CDC16: variants seen among roughly 807,000 people sequenced by gnomAD.
CDC16 encodes the protein cell division cycle 16.
Under a neutral mutation model 87.0 loss-of-function variants are expected in CDC16, and 34 were observed. The observed-to-expected ratio is 0.39, with a 90% CI of 0.30 to 0.52. The LOEUF (loss-of-function observed/expected upper bound fraction) is 0.52. Among genes scored for constraint, CDC16 ranks in the 20% least tolerant of loss-of-function variants. The pLI is 0.74. For synonymous variants in CDC16, 263 were observed against 260.6 expected, an observed-to-expected ratio of 1.01 and a Z score of -0.09; for missense variants, 653 against 751.9, an observed-to-expected ratio of 0.87 and a Z score of 1.54.
chr13:114,265,236 T>C lies in CDC16; in HGVS notation c.1599T>C (p.Tyr533=), dbSNP rs780371528. The C allele has an allele frequency of 4.4e-6, 7 of 1,587,534 alleles. No homozygotes were observed. Among genetic ancestry groups the C allele is most frequent in the Non-Finnish European group, 6.1e-6 (7 of 1,155,992 alleles). Residue 533 remains tyrosine (Y), a synonymous_variant, in exon 17 of 18, where the codon TAT becomes TAC. Transcript: ENST00000356221. The part of the protein sequence containing the change: ...IEMYIGDSEA[Y]IGADIKDKLK... ...TGTACATTGGTGATTCTGAAGCTTA[T>C]ATTGGTAAGATAATCGTTATTCTTA...
intron 12 of CDC16, among the ~76,000 whole-genome samples, chr13:114,253,198 G>C (rs1050211408): frequency 1.3e-5 from 2 of 152,144 alleles, no homozygotes; most frequent in Non-Finnish European, 2.9e-5. Context: ...TCTGTGTTTG[G>C]ATAAATGTTT....
Position 114,244,005 on chromosome 13 carries a change from C to A in CDC16, c.767+16C>A. 1 of 1,589,134 alleles carries A rather than the reference C, an allele frequency of 6.3e-7. No homozygotes were observed. Among genetic ancestry groups the A allele is most frequent in the South Asian group, 1.1e-5 (1 of 89,256 alleles). On this transcript the variant is annotated intron_variant, in intron 8 of 17. Transcript: ENST00000356221. The stretch of plus-strand genomic sequence containing the variant: ...TTACTTCTGTGTAAGTATATCCATC[C>A]ATTTTTCTGTAGGAACATGGAGTTC...
chr13:114,236,608 A>G (rs754813128), intron 1 of CDC16, 37 bp from the exon 2 acceptor site: 1 of 1,587,398 alleles, frequency 6.3e-7, no homozygotes, highest in Non-Finnish European at 8.6e-7. Flanking sequence ...TTAAAATAAC[A>G]GGGCAGTTAC....
intron 11 of CDC16, among the ~76,000 whole-genome samples, chr13:114,249,644 C>G (rs1396704452): frequency 2.0e-5 from 3 of 152,158 alleles, no homozygotes; most frequent in Non-Finnish European, 4.4e-5. Flanking sequence ...TGAGTCCAGT[C>G]CCTGTAACCA....
chr13:114,241,495 A>G (rs1315274976), intron 5 of CDC16, among the ~76,000 whole-genome samples: 1 of 152,220 alleles, frequency 6.6e-6, no homozygotes, highest in Non-Finnish European at 1.5e-5. Flanking sequence ...AGTTTTATAC[A>G]CATGCACACA....
chr13:114,249,179 A>G (rs1431922242), intron 11 of CDC16, among the ~76,000 whole-genome samples: 1 of 151,424 alleles, frequency 6.6e-6, no homozygotes, highest in Non-Finnish European at 1.5e-5. Context: ...CAGGCATTAG[A>G]TTCTCGTAAG....
rs371647007 is a variant in CDC16, at chr13:114,236,817, A to C, written c.122A>C (p.Tyr41Ser). ...CCTCCAGAAGAACCCCAGGACATCT[A>C]TTGGTTGGCTCAGTGTCTTTACCTG... The part of the protein sequence containing the change: ...SLSREEPQDI[Y>S]WLAQCLYLTA... The change falls in exon 3 of 18, where the codon TAT (tyrosine) becomes TCT (serine). Residue 41 changes from tyrosine (Y) to serine (S), a missense_variant. Transcript: ENST00000356221. The C allele has an allele frequency of 6.2e-7, 1 of 1,613,424 alleles. No homozygotes were observed. The highest frequency in any genetic ancestry group is 1.3e-5 in the African/African-American group (1 of 74,874).
intron 11 of CDC16, among the ~76,000 whole-genome samples, chr13:114,249,071 A>G (rs2082021215): frequency 6.6e-6 from 1 of 151,934 alleles, no homozygotes; most frequent in African/African-American, 2.4e-5. Context: ...AAATAATTAT[A>G]CAACTCACTA....
rs142179162 is a variant in CDC16, at chr13:114,248,478, C to T, written c.971+1474C>T. ...GGCAGATTACCTTAGGTCAGGAGTT[C>T]GAGACCAGCCTGGCCAACATGGTGA... On this transcript the variant is annotated intron_variant, in intron 11 of 17. Transcript: ENST00000356221. Among the ~76,000 whole-genome samples, 1,491 of 152,128 alleles carry T rather than the reference C, an allele frequency of 9.8e-3. 22 individuals are homozygous for T. Among genetic ancestry groups the T allele is most frequent in the African/African-American group, 0.034 (1,410 of 41,514 alleles).
chr13:114,255,126 T>G (rs1181173874), intron 12 of CDC16, among the ~76,000 whole-genome samples: 2 of 152,266 alleles, frequency 1.3e-5, no homozygotes, highest in East Asian at 3.8e-4. Flanking sequence ...AGTATCCTTC[T>G]GTTTTAGCAT....
At chr13:114,262,414 C>G (rs1221311880) in intron 15 of CDC16, among the ~76,000 whole-genome samples, 1 of 151,900 alleles carries the variant, frequency 6.6e-6, no homozygotes, top group Non-Finnish European at 1.5e-5. Flanking sequence ...TTTAATTGAG[C>G]ATAAAACATT....
chr13:114,271,851 C>A (rs2083698716), intron 17 of CDC16, among the ~76,000 whole-genome samples: 1 of 152,122 alleles, frequency 6.6e-6, no homozygotes, highest in Admixed American at 6.5e-5. Flanking sequence ...ATTTAGGAGG[C>A]CTTGGAAATG....
At chr13:114,267,338 AATAC>A (rs1431198994) in intron 17 of CDC16, among the ~76,000 whole-genome samples, 2 of 133,946 alleles carry the variant, frequency 1.5e-5, no homozygotes, top group African/African-American at 3.3e-5. Flanking sequence ...AAAACAAAAC[AATAC>A]AAAAAAAAAC....
intron 17 of CDC16, among the ~76,000 whole-genome samples, chr13:114,268,322 A>G (rs2083379980): frequency 6.6e-6 from 1 of 152,244 alleles, no homozygotes; most frequent in Non-Finnish European, 1.5e-5. Flanking sequence ...TCTTCACTAC[A>G]AGTTGTCCAG....
At chr13:114,238,465 G>A (rs573400863) in intron 3 of CDC16, among the ~76,000 whole-genome samples, 9 of 147,636 alleles carry the variant, frequency 6.1e-5, no homozygotes, top group Non-Finnish European at 1.2e-4. Flanking sequence ...CGAGCTCCTC[G>A]GACGCCCAGC....
At chr13:114,252,256 AAG>A (rs2082235964) in intron 12 of CDC16, among the ~76,000 whole-genome samples, 1 of 83,468 alleles carries the variant, frequency 1.2e-5, no homozygotes, top group African/African-American at 4.6e-5. Context: ...CCCTGTTGGA[AAG>A]GAGCCTTACA....
intron 14 of CDC16, 27 bp from the exon 15 acceptor site, chr13:114,261,860 C>T (rs372837301): frequency 2.3e-5 from 36 of 1,538,774 alleles, no homozygotes; most frequent in East Asian, 1.9e-4. Flanking sequence ...ATATATAACT[C>T]GTGGGCTTGA....
At chr13:114,243,779 G>A in intron 7 of CDC16, 77 bp from the exon 8 acceptor site, 4 of 1,252,320 alleles carry the variant, frequency 3.2e-6, no homozygotes, top group African/African-American at 1.5e-5. Context: ...TAACCACTTG[G>A]GCCAAACACA....
At chr13:114,240,211 C>CTTT (rs60218043) in intron 5 of CDC16, among the ~76,000 whole-genome samples, 2 of 148,904 alleles carry the variant, frequency 1.3e-5, no homozygotes, top group African/African-American at 4.9e-5. Context: ...CTTCCCACAT[C>CTTT]TTTTTTTTTT....
Sources: allele counts gnomAD v4.1 joint callset (sites outside exome capture counted in the v4.1 genomes callset), GRCh38; gene constraint gnomAD v4.1.1; transcripts MANE v1.5; gene names NCBI Gene and HGNC (gene_info 2026-07-23, HGNC 2026-07-21).